Variants in KIFC2 observed in about 807,000 individuals in gnomAD.
KIFC2 encodes the protein kinesin-like protein KIFC2.
A neutral mutation model predicts 91.5 loss-of-function variants in KIFC2; 94 were observed. The observed-to-expected ratio is 1.03, with a 90% CI of 0.87 to 1.22. KIFC2 has a LOEUF of 1.22. Ranked by LOEUF, KIFC2 falls within the 50% of genes most tolerant of loss-of-function variation. The pLI is 0.00. For missense variants in KIFC2, 1,357 were observed against 1,103.3 expected, an observed-to-expected ratio of 1.23 and a Z score of -3.26; for synonymous variants, 729 against 503.9, an observed-to-expected ratio of 1.45 and a Z score of -5.98.
intron 12 of KIFC2, chr8:144,470,588 T>C (rs1279738891): frequency 6.6e-6 from 1 of 152,278 alleles, no homozygotes; most frequent in Non-Finnish European, 1.5e-5. Flanking sequence ...CAAACAGAGC[T>C]GACAGCCCAC....
chr8:144,469,946 G>A (rs1439676701), intron 12 of KIFC2, among the ~76,000 whole-genome samples: 1 of 152,232 alleles, frequency 6.6e-6, no homozygotes, highest in African/African-American at 2.4e-5. Flanking sequence ...TGGGTGGTGG[G>A]GGCCGTGGGT....
intron 12 of KIFC2, among the ~76,000 whole-genome samples, chr8:144,469,902 G>A (rs1050180843): frequency 6.6e-6 from 1 of 152,218 alleles, no homozygotes; most frequent in African/African-American, 2.4e-5. Flanking sequence ...AGCTATGAGG[G>A]CCCCTCATTG....
At position 144,474,039 on chromosome 8, in the gene KIFC2, G is replaced by A. The variant is rs1202164482; in HGVS notation, c.*650G>A. The A allele has an allele frequency of 6.8e-6, 4 of 590,232 alleles. No individual in the cohort carries two copies. The highest frequency in any genetic ancestry group is 1.9e-5 in the African/African-American group (1 of 53,890). 36.6% of individuals were successfully genotyped at this position (590,232 alleles called of 1,614,324 possible). On this transcript the variant is annotated 3_prime_UTR_variant, in exon 18 of 18. Coordinates refer to ENST00000645548, the MANE Select transcript of KIFC2 (RefSeq NM_001369769.2). Reference sequence around the variant, plus strand: ...CGCTGAGTGTAGGAAAAACAGGCATGACAGACCAGGGTGAGGGTTGTGCCC... The same window carrying A: ...CGCTGAGTGTAGGAAAAACAGGCATAACAGACCAGGGTGAGGGTTGTGCCC...
rs777469336 is a variant in KIFC2, at chr8:144,467,607, C to T, written c.592C>T (p.Leu198=). The change falls in exon 5 of 18, where the codon CTG becomes TTG. Residue 198 remains leucine (L), a synonymous_variant. Transcript: ENST00000645548. ...LEEDQRAWQR[L]EQLILGQLEE... is the part of the protein sequence containing the mutation. ...GGAGGATCAGAGGGCGTGGCAGCGGCTGGAGCAGCTCATCCTGGGACAGGT... is the reference window on the plus strand; with the variant it reads ...GGAGGATCAGAGGGCGTGGCAGCGGTTGGAGCAGCTCATCCTGGGACAGGT... The T allele has an allele frequency of 3.1e-6, 5 of 1,596,972 alleles. No individual in the cohort carries two copies. The highest frequency in any genetic ancestry group is 4.3e-6 in the Non-Finnish European group (5 of 1,171,196).
chr8:144,467,819 G>C (rs562228053), intron 6 of KIFC2, 40 bp downstream of exon 6: 12 of 1,613,548 alleles, frequency 7.4e-6, no homozygotes, highest in Middle Eastern at 1.7e-4. Context: ...GGGCATGGAG[G>C]GGGTGCTTCA....
Position 144,469,518 on chromosome 8 carries a change from G to A in KIFC2, c.1251G>A (p.Arg417=). Residue 417 remains arginine (R), a synonymous_variant, in exon 12 of 18, where the codon AGG becomes AGA. Transcript: ENST00000645548. ...ATATCCGTGTGCTGTGTCGGCTGAG[G>A]CCAGGGACATCTTCTAGCCTTGTGA... ...KGNIRVLCRL[R]PGTSSSLVSV... 1.9e-6 allele frequency: 3 copies of A among 1,614,018 alleles called. No homozygotes were observed. The highest frequency in any genetic ancestry group is 1.7e-6 in the Non-Finnish European group (2 of 1,180,020).
At chr8:144,470,358 G>C (rs1442622560) in intron 12 of KIFC2, among the ~76,000 whole-genome samples, 1 of 152,234 alleles carries the variant, frequency 6.6e-6, no homozygotes. Flanking sequence ...GGCATGCCTT[G>C]TGCACCGTCC....
In KIFC2 at chr8:144,467,303, C is replaced by G. The variant is rs1346913230; in HGVS notation, c.431C>G (p.Thr144Ser). ...PRGRQALLQG[T>S]QPAPRVRPPS... Reference sequence around the variant, plus strand: ...GGGAGGCAGGCCCTGCTCCAGGGGACTCAGCCAGCCCCTCGGGTCCGGCCC... The same window carrying G: ...GGGAGGCAGGCCCTGCTCCAGGGGAGTCAGCCAGCCCCTCGGGTCCGGCCC... Residue 144 changes from threonine to serine, a missense_variant, in exon 4 of 18, where the codon ACT (threonine) becomes AGT (serine). Transcript: ENST00000645548. 1.2e-5 allele frequency: 19 copies of G among 1,612,156 alleles called. No individual in the cohort carries two copies. Among genetic ancestry groups the G allele is most frequent in the Non-Finnish European group, 1.5e-5 (18 of 1,179,546 alleles).
At chr8:144,471,188 C>G (rs1432101151) in intron 12 of KIFC2, among the ~76,000 whole-genome samples, 1 of 152,138 alleles carries the variant, frequency 6.6e-6, no homozygotes, top group African/African-American at 2.4e-5. Context: ...TGGTCTTGAA[C>G]TCCTGACCTT....
chr8:144,473,198 C>G lies in KIFC2; in HGVS notation c.2185C>G (p.Gln729Glu). Residue 729 changes from glutamine to glutamate, a missense_variant, in exon 18 of 18, where the codon CAA (glutamine) becomes GAA (glutamate). Transcript: ENST00000645548. ...CSLKFADRVG[Q>E]VELGPARRRR... Reference sequence around the variant, plus strand: ...CCTCAAGTTCGCCGACCGAGTGGGTCAAGTGGAGCTGGGGCCAGCCCGGCG... The same window carrying G: ...CCTCAAGTTCGCCGACCGAGTGGGTGAAGTGGAGCTGGGGCCAGCCCGGCG... The G allele has an allele frequency of 6.3e-7, 1 of 1,585,130 alleles. No individual in the cohort carries two copies. Among genetic ancestry groups the G allele is most frequent in the Non-Finnish European group, 8.6e-7 (1 of 1,166,544 alleles).
intron 16 of KIFC2, 28 bp from the exon 17 acceptor site, chr8:144,472,767 C>T (rs763472665): frequency 1.1e-5 from 17 of 1,591,468 alleles, no homozygotes; most frequent in Admixed American, 1.7e-5. Context: ...CCGGCCTTCC[C>T]CCATGTCGGG....
At position 144,473,457 on chromosome 8, in the gene KIFC2, C is replaced by G. The variant is rs754557940; in HGVS notation, c.*68C>G. The G allele has an allele frequency of 4.0e-6, 6 of 1,483,314 alleles. No homozygotes were observed. In the African/African-American group the frequency reaches 8.4e-5, roughly 21 times the overall value. The allele number at this position is 1,483,314 out of a possible 1,614,324, so 91.9% of individuals were successfully genotyped here. A position where few individuals can be genotyped will look rare whatever the true frequency, so the allele number is the denominator to read the frequency against. ...CTGCTGGCAGAGGCGGTAGTAAAGT[C>G]CCTGTACCCCGTCTCCCAGGGCACA... On this transcript the variant is annotated 3_prime_UTR_variant, in exon 18 of 18. Coordinates refer to ENST00000645548, the MANE Select transcript of KIFC2 (RefSeq NM_001369769.2).
rs1203370678 is a variant in KIFC2, at chr8:144,467,972, C to T, written c.795C>T (p.Pro265=). The change falls in exon 7 of 18, where the codon CCC becomes CCT. Residue 265 remains proline (P), a synonymous_variant. Coordinates refer to ENST00000645548, the MANE Select transcript of KIFC2 (RefSeq NM_001369769.2). The part of the protein sequence containing the change: ...DLLLHWGPGP[P]IRAPQEEAEA... ...TGCTGCACTGGGGCCCCGGGCCCCC[C>T]ATCAGGGCTCCGCAGGTACTCTGCT... is the stretch of plus-strand genomic sequence containing the variant. 4.4e-6 allele frequency: 7 copies of T among 1,574,924 alleles called. No individual in the cohort carries two copies. Among genetic ancestry groups the T allele is most frequent in the Non-Finnish European group, 4.3e-6 (5 of 1,166,070 alleles).
At position 144,473,236 on chromosome 8, in the gene KIFC2, G is replaced by A. The variant is rs765502254; in HGVS notation, c.2223G>A (p.Pro741=). The change falls in exon 18 of 18, where the codon CCG becomes CCA. Residue 741 remains proline (P), a synonymous_variant. Transcript: ENST00000645548. ...ELGPARRRRV[P]RSSGTPSSLS... ...GGCCAGCCCGGCGCCGCAGGGTCCC[G>A]CGCTCCTCCGGGACGCCTTCTTCCC... is the stretch of plus-strand genomic sequence containing the variant. 4.6e-5 allele frequency: 73 copies of A among 1,600,040 alleles called. No homozygotes were observed. The highest frequency in any genetic ancestry group is 6.0e-5 in the Non-Finnish European group (70 of 1,174,550).
In KIFC2 at chr8:144,472,840, AGGCAGGGGCGGCCGGCCCGCC is replaced by A. The variant is rs2130022311; in HGVS notation, c.1909_1929del (p.Ala637_Pro643del). On this transcript the variant is annotated inframe_deletion, in exon 17 of 18. Transcript: ENST00000645548. ...CTGGCGGGATCCGAACGCGCACGGA[AGGCAGGGGCGGCCGGCCCGCC>A]GCGGGGAGACCCAGACGGCGCCCGG... 6.4e-7 allele frequency: 1 copy of A among 1,562,796 alleles called. No individual in the cohort carries two copies. The highest frequency in any genetic ancestry group is 1.1e-5 in the South Asian group (1 of 87,206).
rs201531388 is a variant in KIFC2 at position 144,473,216 on chromosome 8, G to A, written c.2203G>A (p.Ala735Thr). 1.3e-6 allele frequency: 2 copies of A among 1,591,510 alleles called. No homozygotes were observed. Among genetic ancestry groups the A allele is most frequent in the South Asian group, 1.1e-5 (1 of 87,716 alleles). ...AGTGGGTCAAGTGGAGCTGGGGCCA[G>A]CCCGGCGCCGCAGGGTCCCGCGCTC... is the stretch of plus-strand genomic sequence containing the variant. The part of the protein sequence containing the change: ...DRVGQVELGP[A>T]RRRRVPRSSG... Residue 735 changes from alanine (A) to threonine (T), a missense_variant, in exon 18 of 18, where the codon GCC (alanine) becomes ACC (threonine). By Grantham distance (58) the Ala-to-Thr change is moderately conservative. Transcript: ENST00000645548.
intron 12 of KIFC2, 22 bp from the exon 13 acceptor site, chr8:144,471,918 AAC>A (rs751154868): frequency 5.0e-6 from 8 of 1,610,336 alleles, no homozygotes; most frequent in African/African-American, 1.3e-5. Context: ...GAGGACTCAA[AAC>A]ACATTCTCCC....
chr8:144,467,481 C>G lies in KIFC2; in HGVS notation c.470-4C>G. 6.4e-7 allele frequency: 1 copy of G among 1,558,852 alleles called. No individual in the cohort carries two copies. On this transcript the variant is annotated splice_polypyrimidine_tract_variant and splice_region_variant and intron_variant, in intron 4 of 17. Coordinates refer to ENST00000645548, the MANE Select transcript of KIFC2 (RefSeq NM_001369769.2). ...CAGTGCTAACTGGGCCCACCCTACT[C>G]CAGGATCCACATCCCAAGAAGAAAG...
chr8:144,473,533 C>G lies in KIFC2; in HGVS notation c.*144C>G. 7.9e-7 allele frequency: 1 copy of G among 1,273,190 alleles called. No individual in the cohort carries two copies. The highest frequency in any genetic ancestry group is 1.0e-6 in the Non-Finnish European group (1 of 959,514). The allele number at this position is 1,273,190 out of a possible 1,614,324, so 78.9% of individuals were successfully genotyped here. ...TGCCCCTGAGCTCCCAGAGTCACCC[C>G]TCCACCTCCGCAGCCAGTGAAGTGT... On this transcript the variant is annotated 3_prime_UTR_variant, in exon 18 of 18. Transcript: ENST00000645548.
Sources: allele counts gnomAD v4.1 joint callset (sites outside exome capture counted in the v4.1 genomes callset), GRCh38; gene constraint gnomAD v4.1.1; transcripts MANE v1.5; gene names NCBI Gene and HGNC (gene_info 2026-07-23, HGNC 2026-07-21).